The following RFC4 variants were observed in gnomAD, a reference collection of about 807,000 sequenced individuals.
The protein encoded by RFC4 is A1 37 kDa subunit.
A neutral mutation model predicts 47.6 loss-of-function variants in RFC4; 38 were observed. That is an observed-to-expected ratio of 0.80 (90% CI 0.62 to 1.05). The LOEUF is 1.05. Ranked by LOEUF, RFC4 falls within the 50% of genes least tolerant of loss-of-function variation. The probability of loss-of-function intolerance (pLI) is 0.00; values close to 1 mark genes in which losing one functional copy is unlikely to be tolerated. For synonymous variants in RFC4, 164 were observed against 150.0 expected (o/e 1.09, Z -0.68); for missense variants, 489 against 434.0 (o/e 1.13, Z -1.13).
intron 7 of RFC4, 107 bp downstream of exon 7, chr3:186,792,383 A>T (rs1362131048): frequency 1.2e-5 from 11 of 900,640 alleles, no homozygotes; most frequent in Non-Finnish European, 8.5e-6. Flanking sequence ...TGTCTGAAGA[A>T]CTGGCATCAG....
rs757297081 is a variant in RFC4 at position 186,790,340 on chromosome 3, C to CTAGTT, written c.863_867dup (p.Glu290AsnfsTer2). 6.2e-7 allele frequency: 1 copy of CTAGTT among 1,613,752 alleles called. No individual in the cohort carries two copies. Among genetic ancestry groups the CTAGTT allele is most frequent in the Non-Finnish European group, 8.5e-7 (1 of 1,179,664 alleles). ...GCTGACTTTACCTTGACCACAGCTT[C>CTAGTT]TAGTTTGTCAAAAGAGCCACTCTGA... On this transcript the variant is annotated frameshift_variant, in exon 9 of 11. Coordinates refer to ENST00000296273, the MANE Select transcript of RFC4 (RefSeq NM_002916.5). LOFTEE classifies it high-confidence loss of function.
In RFC4 at chr3:186,794,047, T is replaced by C. The variant is rs1159414685; in HGVS notation, c.410+611A>G. 2.6e-5 allele frequency among the ~76,000 whole-genome samples: 4 copies of C among 152,328 alleles called. No homozygotes were observed. In the South Asian group the frequency reaches 6.2e-4, roughly 24 times the overall value. ...TTTGCCCATTTTTTAATTGGGTTATTTGTTTTTATTACTGAGTTTTTAAAG... is the reference window on the plus strand; with the variant it reads ...TTTGCCCATTTTTTAATTGGGTTATCTGTTTTTATTACTGAGTTTTTAAAG... On this transcript the variant is annotated intron_variant, in intron 5 of 10. Coordinates refer to ENST00000296273, the MANE Select transcript of RFC4 (RefSeq NM_002916.5).
chr3:186,799,785 T>C (rs1048055985), intron 3 of RFC4, among the ~76,000 whole-genome samples: 1 of 152,096 alleles, frequency 6.6e-6, no homozygotes, highest in Non-Finnish European at 1.5e-5. Flanking sequence ...ATACTAGTAA[T>C]TAAATTAGAT....
chr3:186,790,458 T>TA (rs2234751), intron 8 of RFC4, 52 bp from the exon 9 acceptor site: 170,943 of 1,279,748 alleles, frequency 0.13, 12,752 homozygotes, highest in East Asian at 0.23. Flanking sequence ...AGACTAGACA[T>TA]ACACTCTGCC....
Position 186,791,706 on chromosome 3 carries a change from G to A in RFC4, c.801+19C>T. 2.5e-6 allele frequency: 4 copies of A among 1,611,104 alleles called. No individual in the cohort carries two copies. The highest frequency in any genetic ancestry group is 3.4e-6 in the Non-Finnish European group (4 of 1,177,498). ...AAAAAGCCAACTAAAAAGAAATTCA[G>A]AATATCCAGTACTCTTACCCCGGCA... On this transcript the variant is annotated intron_variant, in intron 8 of 10. Transcript: ENST00000296273.
rs370078665 is a variant in RFC4 at position 186,790,320 on chromosome 3, C to T, written c.882+6G>A. The T allele has an allele frequency of 1.6e-5, 26 of 1,613,446 alleles. No individual in the cohort carries two copies. Among genetic ancestry groups the T allele is most frequent in the Non-Finnish European group, 2.2e-5 (26 of 1,179,506 alleles). ...CCTTTCCCCAAAGTTAGTAAGCTGA[C>T]TTTACCTTGACCACAGCTTCTAGTT... On this transcript the variant is annotated splice_donor_region_variant and intron_variant, in intron 9 of 10. Coordinates refer to ENST00000296273, the MANE Select transcript of RFC4 (RefSeq NM_002916.5).
In RFC4 at chr3:186,794,669, T is replaced by A; in HGVS notation, c.399A>T (p.Gly133=). 1 of 1,613,998 alleles carries A rather than the reference T, an allele frequency of 6.2e-7. No individual in the cohort carries two copies. The highest frequency in any genetic ancestry group is 2.2e-5 in the East Asian group (1 of 44,866). Residue 133 remains glycine (G), a synonymous_variant, in exon 5 of 11, where the codon GGA becomes GGT. Transcript: ENST00000296273. ...GCAAATTTACTTACTCTGAGCGACT[T>A]CCTGACACAGTTAATTGAGCAAAAT... ...VKNFAQLTVS[G]SRSDGKPCPP...
intron 1 of RFC4, among the ~76,000 whole-genome samples, 197 bp downstream of exon 1, chr3:186,806,093 G>A (rs2108475051): frequency 6.6e-6 from 1 of 152,252 alleles, no homozygotes; most frequent in Non-Finnish European, 1.5e-5. Flanking sequence ...CCCTGCCTCG[G>A]GCTGTTAAAC....
chr3:186,796,410 A>G lies in RFC4; in HGVS notation c.290+1125T>C, dbSNP rs893138612. ...TGCTGTCAAATAAAATATTAGGCACATAGCAGCTTCTCCCTTTGTCTTTTA... is the reference window on the plus strand; with the variant it reads ...TGCTGTCAAATAAAATATTAGGCACGTAGCAGCTTCTCCCTTTGTCTTTTA... On this transcript the variant is annotated intron_variant, in intron 4 of 10. Transcript: ENST00000296273. This position sits in a 1 kb window ranked among gnomAD's most constrained non-coding sequence, Gnocchi z 4.2. Among the ~76,000 whole-genome samples the G allele has an allele frequency of 7.9e-5, 12 of 152,368 alleles. No homozygotes were observed. Among genetic ancestry groups the G allele is most frequent in the East Asian group, 7.7e-4 (4 of 5,192 alleles).
At chr3:186,798,979 G>A (rs551449054) in intron 3 of RFC4, among the ~76,000 whole-genome samples, 1 of 152,156 alleles carries the variant, frequency 6.6e-6, no homozygotes, top group Non-Finnish European at 1.5e-5. Context: ...ATGTTAATTA[G>A]AAGACTATTA....
At position 186,792,879 on chromosome 3, in the gene RFC4, T is replaced by C; in HGVS notation, c.479A>G (p.Gln160Arg). 6.2e-7 allele frequency: 1 copy of C among 1,613,102 alleles called. No homozygotes were observed. Residue 160 changes from glutamine (Q) to arginine (R), a missense_variant, in exon 6 of 11, where the codon CAG becomes CGG. Physicochemically the swap from Gln to Arg is conservative, Grantham distance 43. Transcript: ENST00000296273. Reference protein sequence around the residue: ...DEADSMTSAAQAALRRTMEKE... With the variant: ...DEADSMTSAARAALRRTMEKE... ...CTCCATGGTACGTCTTAAAGCTGCC[T>C]GAGCAGCTGAGGTCATAGAATCTGC...
chr3:186,794,433 A>G (rs1051158115), intron 5 of RFC4, among the ~76,000 whole-genome samples: 4 of 152,216 alleles, frequency 2.6e-5, no homozygotes, highest in Admixed American at 6.5e-5. Context: ...TAAAATTTAC[A>G]CATATGTCTA....
chr3:186,791,590 TCCCAGG>T, intron 8 of RFC4, 129 bp downstream of exon 8: 1 of 796,032 alleles, frequency 1.3e-6, no homozygotes, highest in South Asian at 1.4e-5. Context: ...ACTCTGATAC[TCCCAGG>T]TTATTCCCTT....
At chr3:186,790,525 T>C (rs1406649524) in intron 8 of RFC4, 119 bp from the exon 9 acceptor site, 3 of 733,804 alleles carry the variant, frequency 4.1e-6, no homozygotes, top group Middle Eastern at 2.8e-4. Context: ...CATACTTTCC[T>C]GGGAAGGCTT....
Position 186,806,463 on chromosome 3 carries a change from CG to C in RFC4, c.-186del. The C allele has an allele frequency of 6.6e-6, 1 of 152,400 alleles. No homozygotes were observed. Among genetic ancestry groups the C allele is most frequent in the East Asian group, 1.9e-4 (1 of 5,188 alleles). 9.4% of individuals were successfully genotyped at this position (152,400 alleles called of 1,614,324 possible). A position where few individuals can be genotyped will look rare whatever the true frequency, so the allele number is the denominator to read the frequency against. ...CCCACAGTCGCCTCAGTTCCCGCCA[CG>C]GAACGGCGGGCGAAAAGCAGGGCGG... On this transcript the variant is annotated 5_prime_UTR_variant, in exon 1 of 11. Transcript: ENST00000296273.
At chr3:186,805,011 C>T in intron 1 of RFC4, 2 of 255,758 alleles carry the variant, frequency 7.8e-6, no homozygotes, top group Admixed American at 5.3e-5. Context: ...GATCATATGT[C>T]ACAAAAATGT....
chr3:186,801,188 T>C lies in RFC4; in HGVS notation c.139A>G (p.Lys47Glu), dbSNP rs1396221234. 1 of 1,614,070 alleles carries C rather than the reference T, an allele frequency of 6.2e-7. No individual in the cohort carries two copies. The highest frequency in any genetic ancestry group is 1.3e-5 in the African/African-American group (1 of 75,050). Residue 47 changes from lysine (K) to glutamate (E), a missense_variant, in exon 3 of 11, where the codon AAA (lysine) becomes GAA (glutamate). Physicochemically the swap from Lys to Glu is moderately conservative, Grantham distance 56 (BLOSUM62 1). This residue lies in a region of RFC4 where 206 missense variants were observed against 257.8 expected (regional missense o/e 0.80). Coordinates refer to ENST00000296273, the MANE Select transcript of RFC4 (RefSeq NM_002916.5). ...TGGAAAGCAACTTCATCCACACATT[T>C]TGGGCGACTTGCGGGGTGAGAAGGA... ...PVPWVEKYRPKCVDEVAFQEE... is the reference protein window; with the variant it reads ...PVPWVEKYRPECVDEVAFQEE...
rs1288122721 is a variant in RFC4, at chr3:186,790,312, T to C, written c.882+14A>G. 5.0e-6 allele frequency: 8 copies of C among 1,611,064 alleles called. No homozygotes were observed. Among genetic ancestry groups the C allele is most frequent in the South Asian group, 1.1e-5 (1 of 90,996 alleles). On this transcript the variant is annotated intron_variant, in intron 9 of 10. Coordinates refer to ENST00000296273, the MANE Select transcript of RFC4 (RefSeq NM_002916.5). ...TTAATATTCCTTTCCCCAAAGTTAG[T>C]AAGCTGACTTTACCTTGACCACAGC...
At chr3:186,791,932 G>T in intron 7 of RFC4, 82 bp from the exon 8 acceptor site, 2 of 1,251,938 alleles carry the variant, frequency 1.6e-6, no homozygotes, top group Non-Finnish European at 2.2e-6. Flanking sequence ...TAATAAAAGT[G>T]AAAAACCCTG....
Sources: allele counts gnomAD v4.1 joint callset (sites outside exome capture counted in the v4.1 genomes callset), GRCh38; gene constraint gnomAD v4.1.1; regional missense constraint gnomAD v4.1.1; non-coding constraint Gnocchi (gnomAD v3.1); transcripts MANE v1.5; gene names NCBI Gene and HGNC (gene_info 2026-07-23, HGNC 2026-07-21).